The following TTC29 variants were observed in gnomAD, a reference collection of about 807,000 sequenced individuals.
TTC29 encodes the protein tetratricopeptide repeat domain 29, also known as tetratricopeptide repeat protein 29.
A neutral mutation model predicts 58.1 loss-of-function variants in TTC29; 49 were observed. That is an observed-to-expected ratio of 0.84 (90% CI 0.67 to 1.07). TTC29 has a LOEUF of 1.07. TTC29 is among the 50% of genes least tolerant of loss of function. The pLI, the probability that TTC29 is intolerant of heterozygous loss-of-function variation, is 0.00. For missense variants in TTC29, 582 were observed against 555.6 expected (o/e 1.05, Z -0.48); for synonymous variants, 209 against 196.8 (o/e 1.06, Z -0.52).
At chr4:146,869,274 A>G (rs1197236583) in intron 7 of TTC29, among the ~76,000 whole-genome samples, 2 of 152,096 alleles carry the variant, frequency 1.3e-5, no homozygotes, top group African/African-American at 4.8e-5. Context: ...CACTCTCACC[A>G]CTCACCAAAT....
At chr4:146,931,959 A>G (rs534754817) in intron 4 of TTC29, among the ~76,000 whole-genome samples, 1 of 152,080 alleles carries the variant, frequency 6.6e-6, no homozygotes, top group South Asian at 2.1e-4. Context: ...AACTTTACTG[A>G]TATCAGTCTT....
intron 5 of TTC29, among the ~76,000 whole-genome samples, chr4:146,908,608 A>G (rs1733682322): frequency 6.6e-6 from 1 of 152,190 alleles, no homozygotes; most frequent in Admixed American, 6.5e-5. Flanking sequence ...CCCAAACTTC[A>G]AAGTCCACTA....
At chr4:146,736,457 A>G (rs191462885) in intron 11 of TTC29, among the ~76,000 whole-genome samples, 15 of 152,322 alleles carry the variant, frequency 9.8e-5, no homozygotes, top group Non-Finnish European at 1.2e-4. Context: ...ATAAAACAGA[A>G]GGCATGTAAA....
intron 8 of TTC29, among the ~76,000 whole-genome samples, chr4:146,849,935 T>TTA (rs938954472): frequency 1.3e-5 from 2 of 152,186 alleles, no homozygotes; most frequent in Non-Finnish European, 2.9e-5. Context: ...GATCACCCAT[T>TTA]TATAATTCCC....
chr4:146,843,493 A>G (rs1728980000), intron 8 of TTC29, among the ~76,000 whole-genome samples: 2 of 152,082 alleles, frequency 1.3e-5, no homozygotes, highest in African/African-American at 2.4e-5. Flanking sequence ...ACGTTGCCCA[A>G]CACCTGAAGT....
intron 9 of TTC29, among the ~76,000 whole-genome samples, chr4:146,832,759 T>G (rs1195460625): frequency 2.0e-5 from 3 of 152,154 alleles, no homozygotes; most frequent in Admixed American, 2.0e-4. Flanking sequence ...CTCAAAGTGC[T>G]GGGATTACAG....
In TTC29 at chr4:146,744,649, A is replaced by T. The variant is rs916646816; in HGVS notation, c.1331-37098T>A. Among the ~76,000 whole-genome samples, 5 of 152,050 alleles carry T rather than the reference A, an allele frequency of 3.3e-5. No homozygotes were observed. The South Asian group carries it at 1.0e-3, about 32-fold the overall frequency. ...GACAGAAATCTCTCTGCTGAGCAGG[A>T]TGGGTGGCAGCCTCTCTGTGGGCCC... On this transcript the variant is annotated intron_variant, in intron 11 of 12. Transcript: ENST00000325106.
chr4:146,749,200 C>T (rs1054990858), intron 11 of TTC29, among the ~76,000 whole-genome samples: 6 of 151,006 alleles, frequency 4.0e-5, no homozygotes, highest in Non-Finnish European at 7.4e-5. Context: ...TGTTTGTAGT[C>T]CTCATGAGGC....
At chr4:146,773,248 T>C (rs749282068) in intron 11 of TTC29, among the ~76,000 whole-genome samples, 6 of 152,132 alleles carry the variant, frequency 3.9e-5, no homozygotes, top group Non-Finnish European at 8.8e-5. Flanking sequence ...GGGCTTCCAG[T>C]ACTATGTCAA....
intron 8 of TTC29, among the ~76,000 whole-genome samples, chr4:146,842,175 A>G (rs1474695835): frequency 6.6e-6 from 1 of 152,126 alleles, no homozygotes; most frequent in African/African-American, 2.4e-5. Context: ...CAAAATGTGC[A>G]TAGTGTCACT....
chr4:146,913,205 C>T (rs1227667133), intron 4 of TTC29, among the ~76,000 whole-genome samples: 1 of 152,102 alleles, frequency 6.6e-6, no homozygotes, highest in Non-Finnish European at 1.5e-5. Flanking sequence ...GTGAAGAAAA[C>T]ATTTGGGGGC....
chr4:146,797,149 C>T (rs1286363845), intron 11 of TTC29, among the ~76,000 whole-genome samples: 1 of 152,122 alleles, frequency 6.6e-6, no homozygotes, highest in Non-Finnish European at 1.5e-5. Context: ...TATGGTGGAC[C>T]CCAGGCTGGC....
Position 146,827,709 on chromosome 4 carries a change from T to G in TTC29, c.977+6097A>C, listed in dbSNP as rs540999494. Among the ~76,000 whole-genome samples the G allele has an allele frequency of 6.6e-5, 10 of 152,340 alleles. No individual in the cohort carries two copies. The South Asian group carries it at 2.1e-3, about 32-fold the overall frequency. ...TTAAAAATTGTGTAAATGTATAGCT[T>G]GGCATGTAGTAGGGATTCAATAAAT... On this transcript the variant is annotated intron_variant, in intron 9 of 12. Coordinates refer to ENST00000325106, the MANE Select transcript of TTC29 (RefSeq NM_031956.4).
intron 4 of TTC29, among the ~76,000 whole-genome samples, chr4:146,932,402 T>A (rs7667564): frequency 0.015 from 2,255 of 152,272 alleles, 49 homozygotes; most frequent in African/African-American, 0.051. Flanking sequence ...CAAACTTTTT[T>A]AAGAGAAACC....
intron 11 of TTC29, among the ~76,000 whole-genome samples, chr4:146,725,946 C>T (rs573187266): frequency 6.6e-6 from 1 of 152,208 alleles, no homozygotes; most frequent in South Asian, 2.1e-4. Context: ...AATTATAGTC[C>T]ACTGCAGCCT....
intron 8 of TTC29, among the ~76,000 whole-genome samples, chr4:146,839,036 A>T (rs1008663529): frequency 1.3e-5 from 2 of 151,978 alleles, no homozygotes; most frequent in Non-Finnish European, 2.9e-5. Context: ...CATTTGTTTT[A>T]AAAAAGTTTA....
intron 11 of TTC29, among the ~76,000 whole-genome samples, chr4:146,754,747 T>C (rs1285899526): frequency 6.6e-6 from 1 of 152,054 alleles, no homozygotes; most frequent in African/African-American, 2.4e-5. Flanking sequence ...CTGTCAACTG[T>C]TTGTGTATAG....
intron 2 of TTC29, among the ~76,000 whole-genome samples, chr4:146,940,870 T>C (rs1275655202): frequency 2.0e-5 from 3 of 152,240 alleles, no homozygotes; most frequent in African/African-American, 7.2e-5. Context: ...CATCCACTTC[T>C]ACTGTAATAA....
intron 9 of TTC29, among the ~76,000 whole-genome samples, chr4:146,828,235 C>G (rs1326853712): frequency 6.6e-6 from 1 of 151,848 alleles, no homozygotes; most frequent in Non-Finnish European, 1.5e-5. Context: ...GAGAGGTTCA[C>G]CGATTATTTT....
Sources: allele counts gnomAD v4.1 joint callset (sites outside exome capture counted in the v4.1 genomes callset), GRCh38; gene constraint gnomAD v4.1.1; transcripts MANE v1.5; gene names NCBI Gene and HGNC (gene_info 2026-07-23, HGNC 2026-07-21).